ATP13A5: variants seen among roughly 807,000 people sequenced by gnomAD.
ATP13A5 encodes the protein ATPase 13A5.
ATP13A5 carries 149 observed loss-of-function variants against 150.2 expected under a neutral mutation model. The ratio of observed to expected loss-of-function variants is 0.99; its 90% CI spans 0.87 to 1.14. The LOEUF (loss-of-function observed/expected upper bound fraction) is 1.14, where lower values mean the gene tolerates loss of function less well. Among genes scored for constraint, ATP13A5 ranks in the 50% most tolerant of loss-of-function variants. The pLI is 0.00. For missense variants in ATP13A5, 1,383 were observed against 1,449.3 expected, an observed-to-expected ratio of 0.95 and a Z score of 0.74; for synonymous variants, 497 against 522.2, an observed-to-expected ratio of 0.95 and a Z score of 0.66.
At chr3:193,324,424 T>G (rs1719398036) in intron 14 of ATP13A5, among the ~76,000 whole-genome samples, 1 of 152,220 alleles carries the variant, frequency 6.6e-6, no homozygotes, top group African/African-American at 2.4e-5. Context: ...TCGTGGCTGC[T>G]CTACCAGAGA....
intron 5 of ATP13A5, among the ~76,000 whole-genome samples, 190 bp downstream of exon 5, chr3:193,362,191 T>C (rs1015441073): frequency 4.6e-5 from 7 of 152,248 alleles, no homozygotes; most frequent in Non-Finnish European, 8.8e-5. Context: ...GATTGCATTG[T>C]TCTTTTGGTC....
At chr3:193,375,326 A>G (rs1389052759) in intron 1 of ATP13A5, among the ~76,000 whole-genome samples, 1 of 152,252 alleles carries the variant, frequency 6.6e-6, no homozygotes, top group Non-Finnish European at 1.5e-5. Flanking sequence ...AACCCAGGTC[A>G]GCCTGAAGCC....
chr3:193,289,994 G>T lies in ATP13A5; in HGVS notation c.2914C>A (p.Pro972Thr). ...YRPAGQLLSP[P>T]LLLSIFLNSC... ...TTCAAAAATATTGAAAGCAGTAAAGGGGGAGAAAGGAGCTGTCCTGCTGGT... is the reference window on the plus strand; with the variant it reads ...TTCAAAAATATTGAAAGCAGTAAAGTGGGAGAAAGGAGCTGTCCTGCTGGT... The change falls in exon 26 of 30, where the codon CCT becomes ACT. Residue 972 changes from proline to threonine, a missense_variant. Pro to Thr is a conservative substitution (Grantham distance 38, BLOSUM62 -1). Transcript: ENST00000342358. 6.2e-7 allele frequency: 1 copy of T among 1,612,940 alleles called. No individual in the cohort carries two copies. Among genetic ancestry groups the T allele is most frequent in the Non-Finnish European group, 8.5e-7 (1 of 1,179,304 alleles).
At chr3:193,308,782 T>A (rs889311172) in intron 21 of ATP13A5, among the ~76,000 whole-genome samples, 3 of 152,188 alleles carry the variant, frequency 2.0e-5, no homozygotes, top group African/African-American at 4.8e-5. Context: ...TGAATTCATT[T>A]TTTAAGGGGA....
At chr3:193,278,883 C>T (rs1490319677) in intron 28 of ATP13A5, among the ~76,000 whole-genome samples, 2 of 152,104 alleles carry the variant, frequency 1.3e-5, no homozygotes, top group Admixed American at 6.5e-5. Flanking sequence ...GTTCAATAGC[C>T]TTGATGAATT....
chr3:193,277,644 A>G (rs1390704718), intron 28 of ATP13A5: 1 of 152,182 alleles, frequency 6.6e-6, no homozygotes. Flanking sequence ...AGGTGGAGAC[A>G]GTCTTAATCA....
chr3:193,346,049 C>A (rs758726396), intron 7 of ATP13A5, among the ~76,000 whole-genome samples: 2 of 152,026 alleles, frequency 1.3e-5, no homozygotes, highest in African/African-American at 2.4e-5. Context: ...GCTGTTAAGT[C>A]GTGAATCTTG....
intron 23 of ATP13A5, among the ~76,000 whole-genome samples, chr3:193,304,420 C>T (rs1437268549): frequency 3.3e-5 from 5 of 152,150 alleles, no homozygotes; most frequent in African/African-American, 1.2e-4. Context: ...TTTAGACCTG[C>T]TACCTTTAGG....
At chr3:193,286,815 G>T (rs1231758359) in intron 26 of ATP13A5, among the ~76,000 whole-genome samples, 1 of 152,156 alleles carries the variant, frequency 6.6e-6, no homozygotes, top group African/African-American at 2.4e-5. Context: ...TAAGCTTAGT[G>T]AGGAAGGCAT....
intron 9 of ATP13A5, among the ~76,000 whole-genome samples, chr3:193,341,275 C>A (rs757365810): frequency 6.6e-6 from 1 of 151,378 alleles, no homozygotes; most frequent in Non-Finnish European, 1.5e-5. Flanking sequence ...AAGAGAAGGA[C>A]GGGGGAGTTG....
chr3:193,277,925 T>C (rs941797660), intron 28 of ATP13A5, among the ~76,000 whole-genome samples: 4 of 152,162 alleles, frequency 2.6e-5, no homozygotes, highest in Admixed American at 2.6e-4. Flanking sequence ...TGCCTCAGCC[T>C]CCCAAGTAGC....
At chr3:193,325,777 G>T (rs1002889446) in intron 13 of ATP13A5, among the ~76,000 whole-genome samples, 1 of 152,102 alleles carries the variant, frequency 6.6e-6, no homozygotes, top group African/African-American at 2.4e-5. Context: ...AATACAAACT[G>T]GTATCTTGTA....
chr3:193,301,150 G>C lies in ATP13A5; in HGVS notation c.2775+61C>G. On this transcript the variant is annotated intron_variant, in intron 24 of 29. Transcript: ENST00000342358. ...AAATCTTGTATAGGAGCTACACCCT[G>C]AATAATAAATTAGGGACATAAATGC... 2.3e-6 allele frequency: 3 copies of C among 1,283,270 alleles called. No individual in the cohort carries two copies. In the South Asian group the frequency reaches 3.7e-5, roughly 16 times the overall value. 79.5% of individuals were successfully genotyped at this position (1,283,270 alleles called of 1,614,324 possible). A position where few individuals can be genotyped will look rare whatever the true frequency, so the allele number is the denominator to read the frequency against.
intron 29 of ATP13A5, 108 bp downstream of exon 29, chr3:193,276,642 A>T (rs184885245): frequency 4.5e-5 from 33 of 740,506 alleles, no homozygotes; most frequent in Non-Finnish European, 1.8e-5. Flanking sequence ...ACCCTTAATA[A>T]CTGTCATTTT....
chr3:193,275,721 T>C (rs1457036427), intron 29 of ATP13A5, among the ~76,000 whole-genome samples: 2 of 152,216 alleles, frequency 1.3e-5, no homozygotes, highest in East Asian at 3.8e-4. Flanking sequence ...ATCAAATGTT[T>C]ATTGGTTTTC....
chr3:193,278,770 G>A (rs1717343413), intron 28 of ATP13A5, among the ~76,000 whole-genome samples: 1 of 152,132 alleles, frequency 6.6e-6, no homozygotes, highest in South Asian at 2.1e-4. Context: ...ATAGCCTCAG[G>A]TAGCGTTCAA....
rs762163075 is a variant in ATP13A5, at chr3:193,322,577, G to C, written c.1675-3C>G. Reference sequence around the variant, plus strand: ...TCTACAATGCAATCTTCCATTTTCTGTTATAAAATGAAAACATTCATAAGA... The same window carrying C: ...TCTACAATGCAATCTTCCATTTTCTCTTATAAAATGAAAACATTCATAAGA... On this transcript the variant is annotated splice_region_variant and splice_polypyrimidine_tract_variant and intron_variant, in intron 14 of 29. Transcript: ENST00000342358. 3 of 1,592,616 alleles carry C rather than the reference G, an allele frequency of 1.9e-6. No individual in the cohort carries two copies. In the East Asian group the frequency reaches 6.7e-5, roughly 36 times the overall value.
chr3:193,332,983 C>A (rs888233088), intron 11 of ATP13A5, among the ~76,000 whole-genome samples: 9 of 152,252 alleles, frequency 5.9e-5, no homozygotes, highest in African/African-American at 2.2e-4. Context: ...TCTTCACAGG[C>A]CCCATCGTGG....
intron 9 of ATP13A5, among the ~76,000 whole-genome samples, chr3:193,340,637 G>A (rs1458856804): frequency 1.3e-5 from 2 of 152,168 alleles, no homozygotes; most frequent in Non-Finnish European, 2.9e-5. Flanking sequence ...CAGAGTGCAT[G>A]CCACCCCTCT....
Sources: gnomAD v4.1 joint callset for allele counts (sites outside exome capture counted in the v4.1 genomes callset) on GRCh38, gnomAD v4.1.1 for gene constraint, MANE v1.5 for transcripts, NCBI Gene and HGNC (gene_info 2026-07-23, HGNC 2026-07-21) for gene names.